Variants in LIPA observed in about 807,000 individuals in gnomAD.
The protein encoded by LIPA is lysosomal acid lipase/cholesteryl ester hydrolase.
In LIPA, 26 loss-of-function variants were observed where a neutral mutation model predicts 40.6. The ratio of observed to expected loss-of-function variants is 0.64; its 90% confidence interval spans 0.47 to 0.89. The LOEUF (loss-of-function observed/expected upper bound fraction) is 0.89, where lower values mean the gene tolerates loss of function less well. LIPA is among the 40% of genes least tolerant of loss of function. The pLI is 0.00. For missense variants in LIPA, 455 were observed against 479.6 expected (o/e 0.95, Z 0.48); for synonymous variants, 188 against 168.4 (o/e 1.12, Z -0.90).
At chr10:89,396,909 A>G (rs1400182804) in intron 2 of LIPA, among the ~76,000 whole-genome samples, 4 of 152,170 alleles carry the variant, frequency 2.6e-5, no homozygotes, top group African/African-American at 9.7e-5. Context: ...TCCTTTGCCC[A>G]TTTTTAAATT....
intron 2 of LIPA, among the ~76,000 whole-genome samples, chr10:89,373,334 C>CAAAAAAAAAAAAAA (rs34479360): frequency 1.6e-5 from 1 of 63,152 alleles, no homozygotes; most frequent in African/African-American, 6.1e-5. Flanking sequence ...GACTCCCTCT[C>CAAAAAAAAAAAAAA]AAAAAAAAAA....
Position 89,245,740 on chromosome 10 carries a change from T to C in LIPA, c.165A>G (p.Thr55=). The C allele has an allele frequency of 6.2e-7, 1 of 1,606,228 alleles. No individual in the cohort carries two copies. The highest frequency in any genetic ancestry group is 8.5e-7 in the Non-Finnish European group (1 of 1,172,820). Residue 55 remains threonine (T), a synonymous_variant, in exon 3 of 10, where the codon ACA becomes ACG. Coordinates refer to ENST00000336233, the MANE Select transcript of LIPA (RefSeq NM_000235.4). ...TAAGGCACAGAATATATCCATCTTC[T>C]GTCTCAACTAGGTATTCCTCACTAG... is the stretch of plus-strand genomic sequence containing the variant. The part of the protein sequence containing the change: ...GFPSEEYLVE[T]EDGYILCLNR...
chr10:89,250,674 C>G (rs1198395494), intron 1 of LIPA, among the ~76,000 whole-genome samples: 2 of 152,190 alleles, frequency 1.3e-5, no homozygotes, highest in African/African-American at 4.8e-5. Context: ...CCTACAGAAC[C>G]TGTATCAACC....
intron 2 of LIPA, among the ~76,000 whole-genome samples, chr10:89,395,554 G>A (rs1447479868): frequency 5.9e-5 from 9 of 151,916 alleles, no homozygotes; most frequent in African/African-American, 7.3e-5. Context: ...ATGGCTTTCC[G>A]AGAGAGTGGC....
chr10:89,271,490 A>G (rs1340702327), intron 1 of LIPA, among the ~76,000 whole-genome samples: 4 of 152,196 alleles, frequency 2.6e-5, no homozygotes, highest in African/African-American at 9.6e-5. Flanking sequence ...TATTGTTCTG[A>G]TGGGTGATTT....
chr10:89,243,950 G>A (rs933654606), intron 3 of LIPA, among the ~76,000 whole-genome samples: 2 of 152,120 alleles, frequency 1.3e-5, no homozygotes, highest in African/African-American at 4.8e-5. Flanking sequence ...TTTATACAGT[G>A]TCTGAAATCA....
intron 1 of LIPA, among the ~76,000 whole-genome samples, chr10:89,268,180 C>T (rs1404202110): frequency 6.6e-6 from 1 of 152,140 alleles, no homozygotes; most frequent in African/African-American, 2.4e-5. Flanking sequence ...GTTAGGAGTG[C>T]AGACTCAGGG....
chr10:89,301,753 C>T (rs1419673827), intron 1 of LIPA, among the ~76,000 whole-genome samples: 1 of 152,132 alleles, frequency 6.6e-6, no homozygotes, highest in African/African-American at 2.4e-5. Flanking sequence ...TTAATCTTTT[C>T]GAATATGAAA....
At chr10:89,392,664 G>C (rs1431248173) in intron 2 of LIPA, 2 of 1,607,834 alleles carry the variant, frequency 1.2e-6, no homozygotes. Context: ...TCTCAGAGGA[G>C]CCTGGCTAAG....
intron 1 of LIPA, among the ~76,000 whole-genome samples, chr10:89,250,685 G>A (rs1332336185): frequency 6.6e-6 from 1 of 152,160 alleles, no homozygotes; most frequent in Non-Finnish European, 1.5e-5. Context: ...TGTATCAACC[G>A]CCCAGAGGAA....
intron 1 of LIPA, among the ~76,000 whole-genome samples, chr10:89,312,300 G>T (rs1843520908): frequency 6.6e-6 from 1 of 152,066 alleles, no homozygotes; most frequent in Admixed American, 6.6e-5. Flanking sequence ...ACTTAGCTGG[G>T]CTTGGTGGCA....
intron 2 of LIPA, chr10:89,383,381 G>A (rs768868127): frequency 6.2e-7 from 1 of 1,614,208 alleles, no homozygotes; most frequent in South Asian, 1.1e-5. Context: ...CACTTTACAT[G>A]GAAGTTGTTA....
chr10:89,329,888 G>A (rs1029462753), intron 1 of LIPA, among the ~76,000 whole-genome samples: 1 of 152,076 alleles, frequency 6.6e-6, no homozygotes, highest in African/African-American at 2.4e-5. Flanking sequence ...GGAGATAGGG[G>A]TGGGGCCATT....
At chr10:89,261,685 C>T (rs1157156846) in intron 1 of LIPA, among the ~76,000 whole-genome samples, 1 of 152,206 alleles carries the variant, frequency 6.6e-6, no homozygotes, top group African/African-American at 2.4e-5. Flanking sequence ...AGCCCCCTCT[C>T]AGTGCAGAGG....
intron 1 of LIPA, among the ~76,000 whole-genome samples, chr10:89,290,964 T>C (rs1336164147): frequency 6.6e-6 from 1 of 152,248 alleles, no homozygotes; most frequent in African/African-American, 2.4e-5. Flanking sequence ...GTTGGTTTCA[T>C]CTTATCCTTT....
chr10:89,370,381 C>T (rs1457221289), intron 2 of LIPA, among the ~76,000 whole-genome samples: 2 of 151,832 alleles, frequency 1.3e-5, no homozygotes, highest in African/African-American at 4.8e-5. Flanking sequence ...CACACCACCA[C>T]ATCGGGCTAA....
intron 1 of LIPA, among the ~76,000 whole-genome samples, chr10:89,324,517 A>G (rs1843589078): frequency 6.6e-6 from 1 of 152,204 alleles, no homozygotes; most frequent in Admixed American, 6.5e-5. Context: ...AAAATTGACA[A>G]ACGGGACCTA....
Position 89,286,217 on chromosome 10 carries a change from T to C in LIPA, c.-1-38568A>G, listed in dbSNP as rs541442991. ...CCCTAATCTCTGTTCCCAATGCAAC[T>C]CATCCCAAATCTTCCTTCTTTCCCT... On this transcript the variant is annotated intron_variant, in intron 1 of 5. Coordinates refer to the LIPA transcript ENST00000282673. Among the ~76,000 whole-genome samples the C allele has an allele frequency of 3.6e-4, 55 of 152,142 alleles. No individual in the cohort carries two copies. The South Asian group carries it at 9.4e-3, about 26-fold the overall frequency.
At chr10:89,338,462 G>GAGC (rs1156382382) in intron 1 of LIPA, among the ~76,000 whole-genome samples, 1 of 152,154 alleles carries the variant, frequency 6.6e-6, no homozygotes, top group Non-Finnish European at 1.5e-5. Context: ...ATACTGGGGA[G>GAGC]AGCAATCTGC....
Sources: gnomAD v4.1 joint callset for allele counts (sites outside exome capture counted in the v4.1 genomes callset) on GRCh38, gnomAD v4.1.1 for gene constraint, MANE v1.5 for transcripts, NCBI Gene and HGNC (gene_info 2026-07-23, HGNC 2026-07-21) for gene names.